EXOC8: variants seen among roughly 807,000 people sequenced by gnomAD.
EXOC8 encodes the protein exocyst complex component 8, also known as exocyst complex 84 kDa subunit.
In EXOC8, 19 loss-of-function variants were observed where a neutral mutation model predicts 50.8. That is an observed-to-expected ratio of 0.37 (90% CI 0.26 to 0.55). EXOC8 has a LOEUF of 0.55. Among genes scored for constraint, EXOC8 ranks in the 20% least tolerant of loss-of-function variants. The probability of loss-of-function intolerance (pLI) is 0.80; values close to 1 mark genes in which losing one functional copy is unlikely to be tolerated. For synonymous variants in EXOC8, 384 were observed against 367.9 expected, an observed-to-expected ratio of 1.04 and a Z score of -0.50; for missense variants, 781 against 915.8, an observed-to-expected ratio of 0.85 and a Z score of 1.90.
chr1:231,336,209 CCTTA>C lies in EXOC8; in HGVS notation c.1533_1536del (p.Ser511ArgfsTer11). 1 of 1,614,128 alleles carries C rather than the reference CCTTA, an allele frequency of 6.2e-7. No homozygotes were observed. Among genetic ancestry groups the C allele is most frequent in the Non-Finnish European group, 8.5e-7 (1 of 1,180,046 alleles). ...CACTCAGCTGCTGTAGAGAGGCTCT[CCTTA>C]CTATCAAACACCTGCTTGCTAAAAG... On this transcript the variant is annotated frameshift_variant, in exon 1 of 1. Coordinates refer to ENST00000366645, the MANE Select transcript of EXOC8 (RefSeq NM_175876.5). LOFTEE classifies it high-confidence loss of function. The surrounding 1 kb of genome is among the most constrained non-coding windows in gnomAD (Gnocchi z 5.4).
In EXOC8 at chr1:231,335,872, A is replaced by G; in HGVS notation, c.1874T>C (p.Met625Thr). 3 of 1,614,182 alleles carry G rather than the reference A, an allele frequency of 1.9e-6. No homozygotes were observed. The highest frequency in any genetic ancestry group is 2.5e-6 in the Non-Finnish European group (3 of 1,180,028). Residue 625 changes from methionine to threonine, a missense_variant, in exon 1 of 1, where the codon ATG becomes ACG. Around this residue, in one of 3 missense-constraint regions of EXOC8, gnomAD observed 700 missense variants for 804.1 expected, o/e 0.87. Transcript: ENST00000366645. ...YTVVAFTKQT[M>T]GFLEEALKLY... ...CTTCAGGGCCTCTTCCAAGAAGCCC[A>G]TGGTCTGTTTGGTGAAAGCAACCAC... is the stretch of plus-strand genomic sequence containing the variant.
Position 231,333,543 on chromosome 1 carries a change from T to G in EXOC8, c.*2025A>C, listed in dbSNP as rs1359191114. On this transcript the variant is annotated 3_prime_UTR_variant, in exon 1 of 1. Coordinates refer to ENST00000366645, the MANE Select transcript of EXOC8 (RefSeq NM_175876.5). ...CCACAGACTCAGCATCATATATTTA[T>G]ACATATTTCATACAGTATAGTATTA... is the stretch of plus-strand genomic sequence containing the variant. 6.5e-6 allele frequency: 1 copy of G among 152,672 alleles called. No homozygotes were observed. The highest frequency in any genetic ancestry group is 1.5e-5 in the Non-Finnish European group (1 of 68,036). 9.5% of individuals were successfully genotyped at this position (152,672 alleles called of 1,614,324 possible).
rs953346858 is a variant in EXOC8, at chr1:231,333,434, C to T, written c.*2134G>A. ...AAAAGCAGACAATTCTATGAAGAAGCAACCATTTAAATATCTAACTATACA... is the reference window on the plus strand; with the variant it reads ...AAAAGCAGACAATTCTATGAAGAAGTAACCATTTAAATATCTAACTATACA... On this transcript the variant is annotated 3_prime_UTR_variant, in exon 1 of 1. Transcript: ENST00000366645. 1.3e-5 allele frequency: 2 copies of T among 152,586 alleles called. No individual in the cohort carries two copies. The highest frequency in any genetic ancestry group is 2.9e-5 in the Non-Finnish European group (2 of 68,040). The allele number at this position is 152,586 out of a possible 1,614,324, so 9.5% of individuals were successfully genotyped here. A position where few individuals can be genotyped will look rare whatever the true frequency, so the allele number is the denominator to read the frequency against.
chr1:231,336,930 C>T lies in EXOC8; in HGVS notation c.816G>A (p.Glu272=), dbSNP rs769601886. The T allele has an allele frequency of 1.2e-6, 2 of 1,614,062 alleles. No individual in the cohort carries two copies. The highest frequency in any genetic ancestry group is 2.2e-5 in the East Asian group (1 of 44,894). Reference sequence around the variant, plus strand: ...TGGTGTCCTCCAGCACTTCCAGCCACTCTCGTTTGATTTTAGCATTTTCGG... The same window carrying T: ...TGGTGTCCTCCAGCACTTCCAGCCATTCTCGTTTGATTTTAGCATTTTCGG... ...FQAENAKIKR[E]WLEVLEDTKR... is the part of the protein sequence containing the mutation. The change falls in exon 1 of 1, where the codon GAG becomes GAA. Residue 272 remains glutamate, a synonymous_variant. Transcript: ENST00000366645. The surrounding 1 kb of genome is among the most constrained non-coding windows in gnomAD (Gnocchi z 5.4).
chr1:231,337,844 A>G lies in EXOC8; in HGVS notation c.-99T>C, dbSNP rs974827967. On this transcript the variant is annotated 5_prime_UTR_variant, in exon 1 of 1. Transcript: ENST00000366645. This position sits in a 1 kb window ranked among gnomAD's most constrained non-coding sequence, Gnocchi z 5.9. ...GCCAACCGAGCTCCTGGGCTGAGGA[A>G]GCAGGAATGGGAACGAGACGAGTAC... The G allele has an allele frequency of 1.4e-6, 2 of 1,451,578 alleles. No individual in the cohort carries two copies. Among genetic ancestry groups the G allele is most frequent in the East Asian group, 2.4e-5 (1 of 42,148 alleles). 89.9% of individuals were successfully genotyped at this position (1,451,578 alleles called of 1,614,324 possible).
In EXOC8 at chr1:231,335,860, T is replaced by A. The variant is rs145210552; in HGVS notation, c.1886A>T (p.Glu629Val). Residue 629 changes from glutamate to valine, a missense_variant, in exon 1 of 1, where the codon GAA becomes GTA. Physicochemically the swap from Glu to Val is moderately radical, Grantham distance 121. This residue lies in a region of EXOC8 where 700 missense variants were observed against 804.1 expected (regional missense o/e 0.87). Transcript: ENST00000366645. Reference protein sequence around the residue: ...AFTKQTMGFLEEALKLYFPEL... With the variant: ...AFTKQTMGFLVEALKLYFPEL... ...TGGGAAATACAGCTTCAGGGCCTCT[T>A]CCAAGAAGCCCATGGTCTGTTTGGT... 1 of 1,614,166 alleles carries A rather than the reference T, an allele frequency of 6.2e-7. No individual in the cohort carries two copies. Among genetic ancestry groups the A allele is most frequent in the Non-Finnish European group, 8.5e-7 (1 of 1,180,042 alleles).
Position 231,337,404 on chromosome 1 carries a change from G to A in EXOC8, c.342C>T (p.Ala114=). The change falls in exon 1 of 1, where the codon GCC becomes GCT. Residue 114 remains alanine, a synonymous_variant. Coordinates refer to ENST00000366645, the MANE Select transcript of EXOC8 (RefSeq NM_175876.5). This position sits in a 1 kb window ranked among gnomAD's most constrained non-coding sequence, Gnocchi z 5.9. ...TLLPAAAAAG[A]AAASGGEEGV... The stretch of plus-strand genomic sequence containing the variant: ...CCTCCTCCCCTCCAGAGGCGGCGGC[G>A]GCTCCGGCGGCAGCAGCGGCAGGCA... 1 of 1,604,786 alleles carries A rather than the reference G, an allele frequency of 6.2e-7. No homozygotes were observed. The highest frequency in any genetic ancestry group is 8.5e-7 in the Non-Finnish European group (1 of 1,179,452).
Position 231,336,907 on chromosome 1 carries a change from G to A in EXOC8, c.839C>T (p.Thr280Ile), listed in dbSNP as rs1236002883. The A allele has an allele frequency of 1.2e-6, 2 of 1,614,096 alleles. No homozygotes were observed. The highest frequency in any genetic ancestry group is 1.7e-6 in the Non-Finnish European group (2 of 1,180,024). Residue 280 changes from threonine to isoleucine, a missense_variant, in exon 1 of 1, where the codon ACC (threonine) becomes ATC (isoleucine). Coordinates refer to ENST00000366645, the MANE Select transcript of EXOC8 (RefSeq NM_175876.5). The surrounding 1 kb of genome is among the most constrained non-coding windows in gnomAD (Gnocchi z 5.4). Reference sequence around the variant, plus strand: ...CCTTTTCTCACTGAGGGCCCTCTTGGTGTCCTCCAGCACTTCCAGCCACTC... The same window carrying A: ...CCTTTTCTCACTGAGGGCCCTCTTGATGTCCTCCAGCACTTCCAGCCACTC... Reference protein sequence around the residue: ...KREWLEVLEDTKRALSEKRRR... With the variant: ...KREWLEVLEDIKRALSEKRRR...
At position 231,335,781 on chromosome 1, in the gene EXOC8, A is replaced by C; in HGVS notation, c.1965T>G (p.Val655=). ...ESLVEIILVA[V]QHVDYSLRCE... ...ATCGAAGACTATAATCCACATGCTGAACAGCAACCAAAATGATTTCCACCA... is the reference window on the plus strand; with the variant it reads ...ATCGAAGACTATAATCCACATGCTGCACAGCAACCAAAATGATTTCCACCA... The change falls in exon 1 of 1, where the codon GTT becomes GTG. Residue 655 remains valine (V), a synonymous_variant. Coordinates refer to ENST00000366645, the MANE Select transcript of EXOC8 (RefSeq NM_175876.5). 1 of 1,614,178 alleles carries C rather than the reference A, an allele frequency of 6.2e-7. No homozygotes were observed. The highest frequency in any genetic ancestry group is 8.5e-7 in the Non-Finnish European group (1 of 1,180,016).
rs1421882069 is a variant in EXOC8, at chr1:231,334,590, T to C, written c.*978A>G. On this transcript the variant is annotated 3_prime_UTR_variant, in exon 1 of 1. Transcript: ENST00000366645. Reference sequence around the variant, plus strand: ...GCTGGAAACTCACACAATTTAGAAATATGTTGAAAACTTTTATTATAGTCC... The same window carrying C: ...GCTGGAAACTCACACAATTTAGAAACATGTTGAAAACTTTTATTATAGTCC... 1 of 152,234 alleles carries C rather than the reference T, an allele frequency of 6.6e-6. No homozygotes were observed. Among genetic ancestry groups the C allele is most frequent in the African/African-American group, 2.4e-5 (1 of 41,464 alleles). The allele number at this position is 152,234 out of a possible 1,614,324, so 9.4% of individuals were successfully genotyped here.
rs1488210293 is a variant in EXOC8, at chr1:231,333,108, C to T, written c.*2460G>A. 1.3e-5 allele frequency: 2 copies of T among 152,148 alleles called. No homozygotes were observed. The allele number at this position is 152,148 out of a possible 1,614,324, so 9.4% of individuals were successfully genotyped here. On this transcript the variant is annotated 3_prime_UTR_variant, in exon 1 of 1. Transcript: ENST00000366645. ...TATTCTTGAAGCAAACAAGAAAAGG[C>T]AATCAATGCTTAAGTGGTATATTTT...
In EXOC8 at chr1:231,335,729, A is replaced by G; in HGVS notation, c.2017T>C (p.Phe673Leu). Reference sequence around the variant, plus strand: ...AAAAAGGATGCATTCTGTCTGATAAAAGCTTTCTTCTCTGGATCCTGCTCA... The same window carrying G: ...AAAAAGGATGCATTCTGTCTGATAAGAGCTTTCTTCTCTGGATCCTGCTCA... ...RCEQDPEKKA[F>L]IRQNASFLYE... The change falls in exon 1 of 1, where the codon TTT becomes CTT. Residue 673 changes from phenylalanine to leucine, a missense_variant. Physicochemically the swap from Phe to Leu is conservative, Grantham distance 22 (BLOSUM62 0). Around this residue, in one of 3 missense-constraint regions of EXOC8, gnomAD observed 79 missense variants for 95.3 expected, o/e 0.83. Transcript: ENST00000366645. 1 of 1,614,202 alleles carries G rather than the reference A, an allele frequency of 6.2e-7. No homozygotes were observed. Among genetic ancestry groups the G allele is most frequent in the Non-Finnish European group, 8.5e-7 (1 of 1,180,042 alleles).
At position 231,337,312 on chromosome 1, in the gene EXOC8, C is replaced by T. The variant is rs770048359; in HGVS notation, c.434G>A (p.Gly145Asp). ...GQAGFFSTPG[G>D]ASRDGSGPGE... ...TGGACCGGAGCCGTCGCGGGAGGCA[C>T]CCCCGGGGGTGGAGAAAAAGCCGGC... Residue 145 changes from glycine to aspartate, a missense_variant, in exon 1 of 1, where the codon GGT (glycine) becomes GAT (aspartate). This residue lies in a region of EXOC8 where 700 missense variants were observed against 804.1 expected (regional missense o/e 0.87). Coordinates refer to ENST00000366645, the MANE Select transcript of EXOC8 (RefSeq NM_175876.5). The surrounding 1 kb of genome is among the most constrained non-coding windows in gnomAD (Gnocchi z 5.9). 1.2e-6 allele frequency: 2 copies of T among 1,603,194 alleles called. No individual in the cohort carries two copies. The highest frequency in any genetic ancestry group is 1.7e-5 in the Admixed American group (1 of 60,010).
At position 231,335,523 on chromosome 1, in the gene EXOC8, T is replaced by A. The variant is rs1571983118; in HGVS notation, c.*45A>T. 1 of 882,116 alleles carries A rather than the reference T, an allele frequency of 1.1e-6. No individual in the cohort carries two copies. Among genetic ancestry groups the A allele is most frequent in the East Asian group, 4.2e-5 (1 of 23,630 alleles). 54.6% of individuals were successfully genotyped at this position (882,116 alleles called of 1,614,324 possible). On this transcript the variant is annotated 3_prime_UTR_variant, in exon 1 of 1. Transcript: ENST00000366645. ...ACTTAATATAAATATAAATAATATA[T>A]AAGCTCTCTCTCTGCATATATACAC...
chr1:231,337,242 C>T lies in EXOC8; in HGVS notation c.504G>A (p.Lys168=), dbSNP rs773562583. 2.1e-5 allele frequency: 34 copies of T among 1,612,432 alleles called. No individual in the cohort carries two copies. The highest frequency in any genetic ancestry group is 2.8e-5 in the Non-Finnish European group (33 of 1,180,010). The change falls in exon 1 of 1, where the codon AAG becomes AAA. Residue 168 remains lysine, a synonymous_variant. Coordinates refer to ENST00000366645, the MANE Select transcript of EXOC8 (RefSeq NM_175876.5). The surrounding 1 kb of genome is among the most constrained non-coding windows in gnomAD (Gnocchi z 5.9). ...KQRTLTTLLE[K]VEGCRHLLET... ...CCAGCAGATGCCTGCAGCCTTCCAC[C>T]TTCTCAAGCAGGGTGGTGAGAGTGC... is the stretch of plus-strand genomic sequence containing the variant.
Position 231,333,597 on chromosome 1 carries a change from A to T in EXOC8, c.*1971T>A, listed in dbSNP as rs568719763. Reference sequence around the variant, plus strand: ...ACTGTAAATGGCACAGAATAATCATAATTATCACAAAATTTTATCAATTTC... The same window carrying T: ...ACTGTAAATGGCACAGAATAATCATTATTATCACAAAATTTTATCAATTTC... On this transcript the variant is annotated 3_prime_UTR_variant, in exon 1 of 1. Transcript: ENST00000366645. 6.2e-4 allele frequency: 94 copies of T among 152,786 alleles called. 1 individual carries two copies. The highest frequency in any genetic ancestry group is 2.2e-3 in the African/African-American group (93 of 41,582). The allele number at this position is 152,786 out of a possible 1,614,324, so 9.5% of individuals were successfully genotyped here. A position where few individuals can be genotyped will look rare whatever the true frequency, so the allele number is the denominator to read the frequency against.
Position 231,335,774 on chromosome 1 carries a change from C to T in EXOC8, c.1972G>A (p.Val658Met). The change falls in exon 1 of 1, where the codon GTG (valine) becomes ATG (methionine). Residue 658 changes from valine (V) to methionine (M), a missense_variant. This residue lies in a region of EXOC8 where 79 missense variants were observed against 95.3 expected (regional missense o/e 0.83). Transcript: ENST00000366645. ...VEIILVAVQH[V>M]DYSLRCEQDP... The stretch of plus-strand genomic sequence containing the variant: ...TGCTCACATCGAAGACTATAATCCA[C>T]ATGCTGAACAGCAACCAAAATGATT... 6.2e-7 allele frequency: 1 copy of T among 1,614,150 alleles called. No individual in the cohort carries two copies. The highest frequency in any genetic ancestry group is 1.1e-5 in the South Asian group (1 of 91,084).
chr1:231,337,072 T>C lies in EXOC8; in HGVS notation c.674A>G (p.Tyr225Cys). The change falls in exon 1 of 1, where the codon TAT (tyrosine) becomes TGT (cysteine). Residue 225 changes from tyrosine to cysteine, a missense_variant. By Grantham distance (194) the Tyr-to-Cys change is radical (BLOSUM62 -2). Around this residue, in one of 3 missense-constraint regions of EXOC8, gnomAD observed 700 missense variants for 804.1 expected, o/e 0.87. Transcript: ENST00000366645. This position sits in a 1 kb window ranked among gnomAD's most constrained non-coding sequence, Gnocchi z 5.9. Reference sequence around the variant, plus strand: ...TAGGGAATAGAGAGCGTTGTAGCGATACATCCCACGCCGCTGAGGCAGCCA... The same window carrying C: ...TAGGGAATAGAGAGCGTTGTAGCGACACATCCCACGCCGCTGAGGCAGCCA... ...ATWLPQRRGM[Y>C]RYNALYSLDG... The C allele has an allele frequency of 1.2e-6, 2 of 1,614,068 alleles. No homozygotes were observed. Among genetic ancestry groups the C allele is most frequent in the Non-Finnish European group, 8.5e-7 (1 of 1,180,012 alleles).
At position 231,334,240 on chromosome 1, in the gene EXOC8, T is replaced by C. The variant is rs2102853543; in HGVS notation, c.*1328A>G. 6.6e-6 allele frequency: 1 copy of C among 152,352 alleles called. No individual in the cohort carries two copies. The highest frequency in any genetic ancestry group is 6.5e-5 in the Admixed American group (1 of 15,300). 9.4% of individuals were successfully genotyped at this position (152,352 alleles called of 1,614,324 possible). On this transcript the variant is annotated 3_prime_UTR_variant, in exon 1 of 1. Coordinates refer to ENST00000366645, the MANE Select transcript of EXOC8 (RefSeq NM_175876.5). ...CTTCTTCCCTTTGTTTTGGGCACAT[T>C]GTCTCACCTGTTTTCACTTTGTTAC...
Sources: gnomAD v4.1 joint callset for allele counts on GRCh38, gnomAD v4.1.1 for gene constraint, gnomAD v4.1.1 regional missense constraint, Gnocchi (gnomAD v3.1) non-coding constraint, MANE v1.5 for transcripts, NCBI Gene and HGNC (gene_info 2026-07-23, HGNC 2026-07-21) for gene names.